The following APOBEC3G variants were observed in gnomAD, a reference collection of about 807,000 sequenced individuals.
APOBEC3G encodes the protein DNA dC->dU-editing enzyme APOBEC-3G.
In APOBEC3G, 44 loss-of-function variants were observed where a neutral mutation model predicts 50.0. The observed-to-expected ratio is 0.88, with a 90% CI of 0.69 to 1.13. APOBEC3G has a LOEUF of 1.13. Ranked by LOEUF, APOBEC3G falls within the 50% of genes most tolerant of loss-of-function variation. The pLI is 0.00. For synonymous variants in APOBEC3G, 156 were observed against 175.3 expected (o/e 0.89, Z 0.87); for missense variants, 469 against 492.0 (o/e 0.95, Z 0.44).
chr22:39,086,501 A>G lies in APOBEC3G; in HGVS notation c.958A>G (p.Arg320Gly), dbSNP rs371126678. The change falls in exon 6 of 8, where the codon AGA (arginine) becomes GGA (glycine). Residue 320 changes from arginine (R) to glycine (G), a missense_variant. Transcript: ENST00000407997. The stretch of plus-strand genomic sequence containing the variant: ...TGCCCGCATCTATGATGATCAAGGA[A>G]GATGTCAGGAGGGGCTGCGCACCCT... ...FTARIYDDQG[R>G]CQEGLRTLAE... is the part of the protein sequence containing the mutation. 5.0e-6 allele frequency: 8 copies of G among 1,613,904 alleles called. No homozygotes were observed. Among genetic ancestry groups the G allele is most frequent in the African/African-American group, 4.0e-5 (3 of 74,934 alleles).
intron 1 of APOBEC3G, among the ~76,000 whole-genome samples, chr22:39,078,216 C>T (rs1928249598): frequency 6.6e-6 from 1 of 151,894 alleles, no homozygotes; most frequent in Non-Finnish European, 1.5e-5. Flanking sequence ...CTGAGGTCGC[C>T]CCATTGCACT....
At chr22:39,081,638 C>A in intron 4 of APOBEC3G, 53 bp downstream of exon 4, 2 of 1,399,624 alleles carry the variant, frequency 1.4e-6, no homozygotes, top group South Asian at 1.2e-5. Context: ...TCCTGCTCAT[C>A]CTCTTGAGGC....
Position 39,080,949 on chromosome 22 carries a change from A to G in APOBEC3G, c.188A>G (p.Lys63Arg). The G allele has an allele frequency of 6.2e-7, 1 of 1,613,738 alleles. No individual in the cohort carries two copies. Among genetic ancestry groups the G allele is most frequent in the Non-Finnish European group, 8.5e-7 (1 of 1,179,770 alleles). Residue 63 changes from lysine (K) to arginine (R), a missense_variant, in exon 3 of 8, where the codon AAG becomes AGG. Lys to Arg is a conservative substitution (Grantham distance 26). Transcript: ENST00000407997. Reference sequence around the variant, plus strand: ...CTCTCCCAGGTGTATTCCGAACTTAAGTACCACCCAGAGATGAGATTCTTC... The same window carrying G: ...CTCTCCCAGGTGTATTCCGAACTTAGGTACCACCCAGAGATGAGATTCTTC... ...IFRGQVYSEL[K>R]YHPEMRFFHW...
chr22:39,082,357 C>T lies in APOBEC3G; in HGVS notation c.581+772C>T, dbSNP rs34737056. ...CCTGTCTCCAGGCCAGGTGCAGAGG[C>T]TCATGCCTGTAATCCCAGCACTTTG... On this transcript the variant is annotated intron_variant, in intron 4 of 7. Transcript: ENST00000407997. 1,411 of 152,478 alleles carry T rather than the reference C, an allele frequency of 9.3e-3. 21 individuals carry two copies. Among genetic ancestry groups the T allele is most frequent in the African/African-American group, 0.032 (1,330 of 41,586 alleles). The allele number at this position is 152,478 out of a possible 1,614,324, so 9.4% of individuals were successfully genotyped here.
chr22:39,079,380 C>T (rs1005572230), intron 2 of APOBEC3G: 44 of 292,002 alleles, frequency 1.5e-4, no homozygotes, highest in African/African-American at 7.8e-4. Flanking sequence ...TGCAATGACG[C>T]GATCTCGGCT....
At chr22:39,080,902 A>C in intron 2 of APOBEC3G, 31 bp from the exon 3 acceptor site, 50 of 1,527,578 alleles carry the variant, frequency 3.3e-5, no homozygotes, top group Middle Eastern at 3.7e-4. Context: ...TCCCCCTCTC[A>C]GAGCTTGCCC....
At chr22:39,087,365 C>T (rs1215808146) in intron 7 of APOBEC3G, 42 bp from the exon 8 acceptor site, 1 of 1,614,128 alleles carries the variant, frequency 6.2e-7, no homozygotes, top group Non-Finnish European at 8.5e-7. Context: ...CTACTTTCCA[C>T]TCGCTCACCC....
rs116198065 is a variant in APOBEC3G, at chr22:39,086,965, C to T, written c.1025-46C>T. The T allele has an allele frequency of 2.2e-4, 349 of 1,555,722 alleles. 2 individuals are homozygous for T. The African/African-American group carries it at 3.8e-3, about 17-fold the overall frequency. On this transcript the variant is annotated intron_variant, in intron 6 of 7. Coordinates refer to ENST00000407997, the MANE Select transcript of APOBEC3G (RefSeq NM_021822.4). ...GAGTCATGGGCCTTTGGTGCCACCA[C>T]GATCCCACAGCGGGAGTGTGACTTA...
In APOBEC3G at chr22:39,086,341, T is replaced by G. The variant is rs766997850; in HGVS notation, c.798T>G (p.Ile266Met). ...RHAELCFLDV[I>M]PFWKLDLDQD... ...CAGAGCTGTGCTTCCTGGACGTGAT[T>G]CCCTTTTGGAAGCTGGACCTGGACC... Residue 266 changes from isoleucine (I) to methionine (M), a missense_variant, in exon 6 of 8, where the codon ATT becomes ATG. Ile to Met is a conservative substitution (Grantham distance 10). Transcript: ENST00000407997. The G allele has an allele frequency of 8.2e-5, 132 of 1,613,668 alleles. No individual in the cohort carries two copies. Among genetic ancestry groups the G allele is most frequent in the Non-Finnish European group, 1.1e-4 (126 of 1,179,744 alleles).
chr22:39,083,029 G>C (rs1928542628), intron 4 of APOBEC3G: 1 of 152,220 alleles, frequency 6.6e-6, no homozygotes, highest in African/African-American at 2.4e-5. Flanking sequence ...GGCTTCCCCA[G>C]CCAGAATCTT....
In APOBEC3G at chr22:39,081,163, G is replaced by A. The variant is rs201067020; in HGVS notation, c.402G>A (p.Ala134=). 7.7e-5 allele frequency: 124 copies of A among 1,614,244 alleles called. 1 individual carries two copies. The South Asian group carries it at 1.2e-3, about 15-fold the overall frequency. ...TCTGGGACCCAGATTACCAGGAGGC[G>A]CTTCGCAGCCTGTGTCAGAAAAGAG... ...YYFWDPDYQE[A]LRSLCQKRDG... is the part of the protein sequence containing the mutation. The change falls in exon 3 of 8, where the codon GCG becomes GCA. Residue 134 remains alanine, a synonymous_variant. Transcript: ENST00000407997.
intron 1 of APOBEC3G, chr22:39,078,555 G>C (rs1928272114): frequency 1.7e-5 from 3 of 174,958 alleles, no homozygotes; most frequent in Non-Finnish European, 3.6e-5. Flanking sequence ...CCTCACATGA[G>C]CTCACCCCCG....
At chr22:39,086,962 C>T (rs1377850679) in intron 6 of APOBEC3G, 49 bp from the exon 7 acceptor site, 1 of 1,553,962 alleles carries the variant, frequency 6.4e-7, no homozygotes, top group East Asian at 2.3e-5. Flanking sequence ...TTTGGTGCCA[C>T]CACGATCCCA....
intron 2 of APOBEC3G, chr22:39,080,225 C>T: frequency 1.3e-6 from 1 of 797,382 alleles, no homozygotes; most frequent in East Asian, 9.8e-5. Flanking sequence ...AGGGCCAGGC[C>T]ACAGTAGGGG....
At chr22:39,086,954 T>A (rs888245150) in intron 6 of APOBEC3G, 57 bp from the exon 7 acceptor site, 2 of 1,546,690 alleles carry the variant, frequency 1.3e-6, no homozygotes, top group Middle Eastern at 2.4e-4. Context: ...CATGGGCCTT[T>A]GGTGCCACCA....
chr22:39,081,905 C>T (rs1029909102), intron 4 of APOBEC3G: 8 of 278,732 alleles, frequency 2.9e-5, no homozygotes, highest in African/African-American at 1.3e-4. Flanking sequence ...CCGAATTTGT[C>T]GTAAAACTGG....
chr22:39,077,722 C>T (rs562369241), intron 1 of APOBEC3G, among the ~76,000 whole-genome samples: 2 of 152,296 alleles, frequency 1.3e-5, no homozygotes, highest in East Asian at 3.9e-4. Flanking sequence ...AGAATTGAAC[C>T]AAAGGATGAG....
chr22:39,081,811 G>T, intron 4 of APOBEC3G: 1 of 486,542 alleles, frequency 2.1e-6, no homozygotes, highest in Non-Finnish European at 3.7e-6. Flanking sequence ...GTGAGTGAGA[G>T]GCCCCTTCTG....
chr22:39,086,028 G>T (rs1360583606), intron 5 of APOBEC3G, among the ~76,000 whole-genome samples: 1 of 152,018 alleles, frequency 6.6e-6, no homozygotes, highest in Non-Finnish European at 1.5e-5. Context: ...CCCTCGGCCG[G>T]GCGCTGTGGC....
Sources: gnomAD v4.1 joint callset for allele counts (sites outside exome capture counted in the v4.1 genomes callset) on GRCh38, gnomAD v4.1.1 for gene constraint, MANE v1.5 for transcripts, NCBI Gene and HGNC (gene_info 2026-07-23, HGNC 2026-07-21) for gene names.